RBFOX1: variants seen among roughly 807,000 people sequenced by gnomAD.
RBFOX1 encodes the protein RNA binding protein fox-1 homolog 1.
Under a neutral mutation model 57.7 loss-of-function variants are expected in RBFOX1, and 8 were observed. The observed-to-expected ratio is 0.14, with a 90% CI of 0.08 to 0.25. RBFOX1 has a LOEUF of 0.25. Among genes scored for constraint, RBFOX1 ranks in the 10% least tolerant of loss-of-function variants. RBFOX1 has a pLI of 1.00. For missense variants in RBFOX1, 611 were observed against 548.5 expected (o/e 1.11, Z -1.14); for synonymous variants, 326 against 222.4 (o/e 1.47, Z -4.15).
chr16:7,096,884 A>G (rs576556262), intron 4 of RBFOX1, among the ~76,000 whole-genome samples: 3 of 138,268 alleles, frequency 2.2e-5, no homozygotes, highest in South Asian at 4.9e-4. Flanking sequence ...GTTGGCCGAG[A>G]TCGTACCACT....
intron 5 of RBFOX1, among the ~76,000 whole-genome samples, chr16:7,569,247 G>A (rs971130347): frequency 6.6e-6 from 1 of 152,134 alleles, no homozygotes; most frequent in Non-Finnish European, 1.5e-5. Flanking sequence ...TTAGGTTACA[G>A]TTCTGGAGAT....
chr16:5,443,817 A>G (rs1362093167), intron 1 of RBFOX1, among the ~76,000 whole-genome samples: 3 of 152,206 alleles, frequency 2.0e-5, no homozygotes, highest in Non-Finnish European at 4.4e-5. Flanking sequence ...GACTATCGCT[A>G]CTTAGAAGAA....
At chr16:5,810,574 A>G in intron 3 of RBFOX1, among the ~76,000 whole-genome samples, 1 of 152,194 alleles carries the variant, frequency 6.6e-6, no homozygotes, top group Non-Finnish European at 1.5e-5. Context: ...TATCTGTGAC[A>G]TCATCACCTC....
intron 4 of RBFOX1, among the ~76,000 whole-genome samples, chr16:5,934,271 C>A (rs977408028): frequency 6.6e-6 from 1 of 152,234 alleles, no homozygotes; most frequent in African/African-American, 2.4e-5. Context: ...TCCCCAGCTT[C>A]CCTTTACTAC....
At chr16:7,313,525 G>A (rs534095039) in intron 4 of RBFOX1, among the ~76,000 whole-genome samples, 1 of 145,348 alleles carries the variant, frequency 6.9e-6, no homozygotes, top group South Asian at 2.2e-4. Flanking sequence ...AGGCTCTTTC[G>A]GACAGCAGTA....
chr16:6,908,192 A>T (rs2070583854), intron 3 of RBFOX1, among the ~76,000 whole-genome samples: 1 of 151,652 alleles, frequency 6.6e-6, no homozygotes, highest in African/African-American at 2.4e-5. Context: ...TGCAGTTCAG[A>T]TTATTACCTC....
intron 2 of RBFOX1, among the ~76,000 whole-genome samples, chr16:6,392,052 G>A (rs72760908): frequency 0.016 from 2,405 of 152,274 alleles, 33 homozygotes; most frequent in Non-Finnish European, 0.025. Context: ...AGAGGAAACC[G>A]TAGGAGATAA....
At chr16:7,065,002 C>A (rs772807271) in intron 4 of RBFOX1, among the ~76,000 whole-genome samples, 1 of 152,252 alleles carries the variant, frequency 6.6e-6, no homozygotes, top group East Asian at 1.9e-4. Flanking sequence ...TACAACAAAT[C>A]AGATGGACGC....
At chr16:5,779,638 G>T (rs2054263501) in intron 3 of RBFOX1, among the ~76,000 whole-genome samples, 1 of 152,164 alleles carries the variant, frequency 6.6e-6, no homozygotes, top group South Asian at 2.1e-4. Context: ...TCATTCTCCT[G>T]GGCTCATTGT....
At chr16:7,227,150 C>T (rs182569692) in intron 4 of RBFOX1, among the ~76,000 whole-genome samples, 314 of 152,164 alleles carry the variant, frequency 2.1e-3, no homozygotes, top group Non-Finnish European at 3.1e-3. Flanking sequence ...AGTAATAGTA[C>T]CCCATTATGT....
At chr16:7,325,431 A>G (rs185440468) in intron 4 of RBFOX1, among the ~76,000 whole-genome samples, 1 of 152,350 alleles carries the variant, frequency 6.6e-6, no homozygotes, top group African/African-American at 2.4e-5. Context: ...CAAGGGAGCC[A>G]GGCATGGTAA....
chr16:7,312,905 C>A (rs917977345), intron 4 of RBFOX1, among the ~76,000 whole-genome samples: 19 of 151,400 alleles, frequency 1.3e-4, no homozygotes, highest in Non-Finnish European at 2.2e-4. Context: ...GAGAGTCTGG[C>A]GGAGCTCTCT....
intron 4 of RBFOX1, chr16:7,332,705 A>C: frequency 4.0e-6 from 4 of 1,011,586 alleles, no homozygotes; most frequent in Non-Finnish European, 5.1e-6. Context: ...AAATTAATGA[A>C]GAGTATTTGG....
chr16:5,839,071 A>G (rs2056547286), intron 3 of RBFOX1, among the ~76,000 whole-genome samples: 1 of 152,222 alleles, frequency 6.6e-6, no homozygotes, highest in Non-Finnish European at 1.5e-5. Flanking sequence ...TCCAAAGCAC[A>G]GGAGAACACC....
At chr16:7,159,982 A>C (rs2077961531) in intron 4 of RBFOX1, among the ~76,000 whole-genome samples, 1 of 152,146 alleles carries the variant, frequency 6.6e-6, no homozygotes, top group African/African-American at 2.4e-5. Flanking sequence ...GGGAGTTGTC[A>C]TACTACTTAA....
At chr16:6,869,657 T>G (rs2060531146) in intron 3 of RBFOX1, among the ~76,000 whole-genome samples, 1 of 152,198 alleles carries the variant, frequency 6.6e-6, no homozygotes, top group Non-Finnish European at 1.5e-5. Context: ...AGAACTAGGA[T>G]TTTTACCCTT....
At chr16:5,934,254 C>T (rs1203478851) in intron 4 of RBFOX1, among the ~76,000 whole-genome samples, 1 of 152,206 alleles carries the variant, frequency 6.6e-6, no homozygotes, top group Non-Finnish European at 1.5e-5. Flanking sequence ...TAATGCCTCT[C>T]CAAAGCTCCC....
At chr16:7,190,489 G>A (rs1162686466) in intron 4 of RBFOX1, among the ~76,000 whole-genome samples, 1 of 151,434 alleles carries the variant, frequency 6.6e-6, no homozygotes, top group South Asian at 2.1e-4. Context: ...ATATCATCCA[G>A]GCATTTTTTT....
chr16:7,332,172 C>T (rs968464938), intron 4 of RBFOX1, among the ~76,000 whole-genome samples: 12 of 152,168 alleles, frequency 7.9e-5, no homozygotes, highest in African/African-American at 2.2e-4. Context: ...TTTGTAGCTT[C>T]GCACTGCCTT....
Sources: gnomAD v4.1 joint callset for allele counts (sites outside exome capture counted in the v4.1 genomes callset) on GRCh38, gnomAD v4.1.1 for gene constraint, MANE v1.5 for transcripts, NCBI Gene and HGNC (gene_info 2026-07-23, HGNC 2026-07-21) for gene names.